The following RAPGEF6 variants were observed in gnomAD, a reference collection of about 807,000 sequenced individuals.
The protein encoded by RAPGEF6 is PDZ domain containing guanine nucleotide exchange factor (GEF) 2.
In RAPGEF6, 56 loss-of-function variants were observed where a neutral mutation model predicts 171.4. The observed-to-expected ratio is 0.33, with a 90% CI of 0.26 to 0.41. The LOEUF (loss-of-function observed/expected upper bound fraction) is 0.41, where lower values mean the gene tolerates loss of function less well. Ranked by LOEUF, RAPGEF6 falls within the 10% of genes least tolerant of loss-of-function variation. RAPGEF6 has a pLI of 1.00. For missense variants in RAPGEF6, 1,674 were observed against 1,921.4 expected (o/e 0.87, Z 2.41); for synonymous variants, 692 against 650.1 (o/e 1.06, Z -0.98).
rs1164765767 is a variant in RAPGEF6 at position 131,472,959 on chromosome 5, C to A, written c.2082-215G>T. 4.3e-5 allele frequency: 22 copies of A among 517,382 alleles called. No homozygotes were observed. In the South Asian group the frequency reaches 5.8e-4, roughly 14 times the overall value. The allele number at this position is 517,382 out of a possible 1,614,324, so 32.0% of individuals were successfully genotyped here. On this transcript the variant is annotated intron_variant, in intron 16 of 27. Transcript: ENST00000509018. Reference sequence around the variant, plus strand: ...TTAAAATAAAATCTAACTTATACATCTAAGTAATTCTACTACATCCTAATT... The same window carrying A: ...TTAAAATAAAATCTAACTTATACATATAAGTAATTCTACTACATCCTAATT...
chr5:131,580,785 A>T (rs1392251474), intron 4 of RAPGEF6, among the ~76,000 whole-genome samples: 1 of 152,024 alleles, frequency 6.6e-6, no homozygotes, highest in Admixed American at 6.5e-5. Context: ...TTACATTTCC[A>T]GTTCTGACTG....
At chr5:131,547,240 G>A (rs1760609357) in intron 6 of RAPGEF6, among the ~76,000 whole-genome samples, 1 of 152,082 alleles carries the variant, frequency 6.6e-6, no homozygotes, top group Non-Finnish European at 1.5e-5. Context: ...TATGACAACT[G>A]AAAAAACTAA....
At chr5:131,621,737 T>C (rs1480175745) in intron 1 of RAPGEF6, among the ~76,000 whole-genome samples, 1 of 152,148 alleles carries the variant, frequency 6.6e-6, no homozygotes, top group African/African-American at 2.4e-5. Flanking sequence ...ACAACGATCA[T>C]GGGCCTAACT....
intron 4 of RAPGEF6, among the ~76,000 whole-genome samples, chr5:131,581,324 G>A (rs1229140035): frequency 6.6e-6 from 1 of 152,044 alleles, no homozygotes; most frequent in Admixed American, 6.6e-5. Flanking sequence ...AATTACACTG[G>A]ACCCACCTGG....
intron 1 of RAPGEF6, among the ~76,000 whole-genome samples, chr5:131,613,728 C>T (rs1765087313): frequency 6.6e-6 from 1 of 152,072 alleles, no homozygotes; most frequent in African/African-American, 2.4e-5. Context: ...GAATGAGCTC[C>T]TCTCTGACAA....
At chr5:131,456,995 T>C (rs919291171) in intron 19 of RAPGEF6, among the ~76,000 whole-genome samples, 3 of 152,182 alleles carry the variant, frequency 2.0e-5, no homozygotes, top group Admixed American at 1.3e-4. Context: ...AAGATACCAA[T>C]GAAAGCTGAC....
chr5:131,595,229 G>A (rs1763825614), intron 3 of RAPGEF6, among the ~76,000 whole-genome samples: 1 of 152,110 alleles, frequency 6.6e-6, no homozygotes. Context: ...ATGACAGTGA[G>A]TTCCACAAGA....
At chr5:131,594,527 C>T (rs542382571) in intron 3 of RAPGEF6, among the ~76,000 whole-genome samples, 1 of 152,318 alleles carries the variant, frequency 6.6e-6, no homozygotes, top group South Asian at 2.1e-4. Context: ...ACAGAGTCCC[C>T]ACTGGGGCAC....
intron 23 of RAPGEF6, among the ~76,000 whole-genome samples, chr5:131,440,737 C>CAAAAAAAAAAA (rs1168441695): frequency 1.5e-5 from 1 of 66,854 alleles, no homozygotes; most frequent in Non-Finnish European, 3.1e-5. Flanking sequence ...GACTCTGTCT[C>CAAAAAAAAAAA]AAAAAAAAAA....
intron 1 of RAPGEF6, among the ~76,000 whole-genome samples, chr5:131,632,685 T>C (rs763728697): frequency 2.0e-5 from 3 of 152,186 alleles, no homozygotes; most frequent in East Asian, 1.9e-4. Flanking sequence ...AGAGCTAATA[T>C]ATTCATAATA....
chr5:131,611,732 A>G (rs1167929969), intron 1 of RAPGEF6, among the ~76,000 whole-genome samples: 1 of 152,220 alleles, frequency 6.6e-6, no homozygotes, highest in African/African-American at 2.4e-5. Flanking sequence ...ACATAAATCA[A>G]TTGATTCTAT....
chr5:131,542,395 A>G (rs912868302), intron 6 of RAPGEF6, among the ~76,000 whole-genome samples: 3 of 152,148 alleles, frequency 2.0e-5, no homozygotes, highest in Non-Finnish European at 4.4e-5. Context: ...TTACAAATCT[A>G]TAAGTTATCT....
intron 22 of RAPGEF6, 33 bp from the exon 23 acceptor site, chr5:131,442,570 A>G: frequency 6.2e-7 from 1 of 1,608,362 alleles, no homozygotes; most frequent in Non-Finnish European, 8.5e-7. Context: ...AAGTAACTGC[A>G]CGTTTTTAGG....
At chr5:131,526,490 C>T (rs1159993405) in intron 6 of RAPGEF6, among the ~76,000 whole-genome samples, 1 of 152,170 alleles carries the variant, frequency 6.6e-6, no homozygotes, top group Non-Finnish European at 1.5e-5. Context: ...AAATCCGTTA[C>T]TCTTTCCTAC....
intron 6 of RAPGEF6, among the ~76,000 whole-genome samples, chr5:131,538,030 T>G (rs1403993196): frequency 6.6e-6 from 1 of 152,184 alleles, no homozygotes; most frequent in African/African-American, 2.4e-5. Context: ...AGGTCAAAGC[T>G]GCAATGAGCT....
chr5:131,437,540 A>G (rs1046136286), intron 24 of RAPGEF6, among the ~76,000 whole-genome samples: 2 of 152,242 alleles, frequency 1.3e-5, no homozygotes, highest in Non-Finnish European at 2.9e-5. Context: ...GGCTTATCCT[A>G]CATCGCAAGA....
intron 16 of RAPGEF6, among the ~76,000 whole-genome samples, 153 bp downstream of exon 16, chr5:131,479,360 T>A (rs1260157529): frequency 1.3e-5 from 2 of 152,110 alleles, no homozygotes; most frequent in Non-Finnish European, 2.9e-5. Context: ...TAGGGAGAAG[T>A]TCAAATGTAT....
At chr5:131,604,848 A>G (rs1338388277) in intron 1 of RAPGEF6, among the ~76,000 whole-genome samples, 155 bp from the exon 2 acceptor site, 1 of 152,224 alleles carries the variant, frequency 6.6e-6, no homozygotes, top group Non-Finnish European at 1.5e-5. Context: ...AAGATTTGAA[A>G]AGGCAGAGAA....
intron 6 of RAPGEF6, among the ~76,000 whole-genome samples, chr5:131,541,585 G>T (rs1343314045): frequency 6.7e-6 from 1 of 150,286 alleles, no homozygotes; most frequent in East Asian, 1.9e-4. Flanking sequence ...TCAAACTCCT[G>T]GCTTCAGGTG....
Sources: gnomAD v4.1 joint callset for allele counts (sites outside exome capture counted in the v4.1 genomes callset) on GRCh38, gnomAD v4.1.1 for gene constraint, MANE v1.5 for transcripts, NCBI Gene and HGNC (gene_info 2026-07-23, HGNC 2026-07-21) for gene names.